CPSF7: variants seen among roughly 807,000 people sequenced by gnomAD.
CPSF7 encodes the protein cleavage and polyadenylation specific factor 7.
Under a neutral mutation model 44.3 loss-of-function variants are expected in CPSF7, and 1 was observed. That is an observed-to-expected ratio of 0.02 (90% CI 0.01 to 0.11). The LOEUF is 0.11. Among genes scored for constraint, CPSF7 ranks in the 10% least tolerant of loss-of-function variants. CPSF7 has a pLI of 1.00. For synonymous variants in CPSF7, 202 were observed against 222.0 expected (o/e 0.91, Z 0.80); for missense variants, 443 against 607.2 (o/e 0.73, Z 2.84).
chr11:61,405,261 C>A (rs997892667), intron 9 of CPSF7, among the ~76,000 whole-genome samples: 1 of 152,114 alleles, frequency 6.6e-6, no homozygotes, highest in African/African-American at 2.4e-5. Flanking sequence ...TTAAATCCTT[C>A]TTTTTTCTTT....
chr11:61,405,083 G>A (rs1195001351), intron 9 of CPSF7, among the ~76,000 whole-genome samples: 1 of 152,152 alleles, frequency 6.6e-6, no homozygotes, highest in African/African-American at 2.4e-5. Flanking sequence ...TTAAATATAG[G>A]TTAAGAAGTC....
At chr11:61,424,732 C>T (rs1222650684) in intron 2 of CPSF7, among the ~76,000 whole-genome samples, 3 of 152,170 alleles carry the variant, frequency 2.0e-5, no homozygotes, top group Non-Finnish European at 2.9e-5. Context: ...GGATTACAGG[C>T]GTAAGCCACT....
chr11:61,429,207 A>G lies in CPSF7; in HGVS notation c.29T>C (p.Ile10Thr), dbSNP rs376472250. The change falls in exon 2 of 10, where the codon ATA becomes ACA. Residue 10 changes from isoleucine (I) to threonine (T), a missense_variant. By Grantham distance (89) the Ile-to-Thr change is moderately conservative. Transcript: ENST00000439958. The stretch of plus-strand genomic sequence containing the variant: ...CTGGTTGAACTCCTCGTCAGCATAT[A>G]TATCAATCAAGTCCACTCCTTCTGA... MSEGVDLID[I>T]YADEEFNQDP... The G allele has an allele frequency of 2.5e-6, 4 of 1,610,086 alleles. No individual in the cohort carries two copies. Among genetic ancestry groups the G allele is most frequent in the Non-Finnish European group, 3.4e-6 (4 of 1,176,432 alleles).
intron 2 of CPSF7, among the ~76,000 whole-genome samples, chr11:61,423,050 C>T (rs1050379352): frequency 2.9e-5 from 4 of 135,650 alleles, no homozygotes; most frequent in Non-Finnish European, 4.5e-5. Flanking sequence ...TCACTCGAGC[C>T]CGGGAGGTTG....
chr11:61,429,724 C>T, intron 1 of CPSF7, 190 bp downstream of exon 1: 2 of 1,540,450 alleles, frequency 1.3e-6, no homozygotes, highest in Non-Finnish European at 8.7e-7. Context: ...TCTTCGCCCC[C>T]AGCTAGGCCC....
intron 2 of CPSF7, among the ~76,000 whole-genome samples, chr11:61,428,117 A>G (rs577755025): frequency 6.6e-6 from 1 of 152,238 alleles, no homozygotes; most frequent in Non-Finnish European, 1.5e-5. Flanking sequence ...ATTTTGGAAC[A>G]TTCTTGAGAA....
chr11:61,421,061 A>C (rs1565113763), intron 3 of CPSF7: 2 of 1,342,962 alleles, frequency 1.5e-6, no homozygotes, highest in Non-Finnish European at 2.0e-6. Flanking sequence ...CACCATTATC[A>C]CAGGACCATC....
rs866167203 is a variant in CPSF7, at chr11:61,405,331, A to C, written c.*6-627T>G. Among the ~76,000 whole-genome samples, 3 of 152,322 alleles carry C rather than the reference A, an allele frequency of 2.0e-5. No homozygotes were observed. The Middle Eastern group carries it at 0.01, about 518-fold the overall frequency. The stretch of plus-strand genomic sequence containing the variant: ...TATGTGTGTACACAAACACAGCCCC[A>C]GAGGTTTTCCAAGTGTACTAAAACT... On this transcript the variant is annotated intron_variant, in intron 9 of 9. Transcript: ENST00000439958.
Position 61,429,908 on chromosome 11 carries a change from C to A in CPSF7, c.-56+6G>T. Reference sequence around the variant, plus strand: ...CAACCTGCCCCCGACCGCGCGCCCCCGTTACCGGGAATATGGCGGCGGCGG... The same window carrying A: ...CAACCTGCCCCCGACCGCGCGCCCCAGTTACCGGGAATATGGCGGCGGCGG... On this transcript the variant is annotated splice_donor_region_variant and intron_variant, in intron 1 of 9. Transcript: ENST00000439958. The A allele has an allele frequency of 6.7e-7, 1 of 1,501,332 alleles. No individual in the cohort carries two copies. Among genetic ancestry groups the A allele is most frequent in the Non-Finnish European group, 8.9e-7 (1 of 1,120,740 alleles). The allele number at this position is 1,501,332 out of a possible 1,614,324, so 93.0% of individuals were successfully genotyped here. A position where few individuals can be genotyped will look rare whatever the true frequency, so the allele number is the denominator to read the frequency against.
At chr11:61,409,638 A>G (rs1457744134) in intron 9 of CPSF7, among the ~76,000 whole-genome samples, 1 of 148,604 alleles carries the variant, frequency 6.7e-6, no homozygotes, top group South Asian at 2.1e-4. Context: ...AAAGCATATT[A>G]ATTTTCAAAA....
At chr11:61,427,958 G>C (rs1252801324) in intron 2 of CPSF7, among the ~76,000 whole-genome samples, 1 of 152,148 alleles carries the variant, frequency 6.6e-6, no homozygotes, top group African/African-American at 2.4e-5. Flanking sequence ...TCAAACCAGG[G>C]AACTTTCCCT....
intron 5 of CPSF7, among the ~76,000 whole-genome samples, chr11:61,417,557 T>C (rs1467165857): frequency 6.6e-6 from 1 of 151,852 alleles, no homozygotes; most frequent in Non-Finnish European, 1.5e-5. Flanking sequence ...TAAACTAGAA[T>C]ATGATAGTTA....
chr11:61,415,287 A>C (rs1233144442), intron 7 of CPSF7, among the ~76,000 whole-genome samples: 6 of 152,252 alleles, frequency 3.9e-5, no homozygotes, highest in African/African-American at 1.4e-4. Flanking sequence ...ATCATTCCTA[A>C]AGAAGACCCA....
In CPSF7 at chr11:61,429,262, G is replaced by C. The variant is rs902730834; in HGVS notation, c.-27C>G. ...GCTCCGGAAGGAAGATCGCGAGTCC[G>C]GAGGATGGACAAAGTAAGGAAGATG... is the stretch of plus-strand genomic sequence containing the variant. On this transcript the variant is annotated 5_prime_UTR_variant, in exon 2 of 10. Coordinates refer to ENST00000439958, the MANE Select transcript of CPSF7 (RefSeq NM_001142565.3). 1.2e-5 allele frequency: 19 copies of C among 1,612,830 alleles called. No homozygotes were observed. The African/African-American group carries it at 1.9e-4, about 16-fold the overall frequency.
chr11:61,416,297 G>A lies in CPSF7; in HGVS notation c.746C>T (p.Pro249Leu). ...LSSSFGVPPP[P>L]PGIHYQHLMP... ...GAGATGCTGGTAGTGGATACCAGGA[G>A]GAGGAGGAGGGACCCCAAAGCTTGA... Residue 249 changes from proline to leucine, a missense_variant, in exon 6 of 10, where the codon CCT becomes CTT. Physicochemically the swap from Pro to Leu is moderately conservative, Grantham distance 98. Coordinates refer to ENST00000439958, the MANE Select transcript of CPSF7 (RefSeq NM_001142565.3). 1.9e-6 allele frequency: 3 copies of A among 1,548,100 alleles called. No individual in the cohort carries two copies. The highest frequency in any genetic ancestry group is 1.4e-5 in the African/African-American group (1 of 72,938).
In CPSF7 at chr11:61,426,006, A is replaced by G. The variant is rs553552902; in HGVS notation, c.54+3176T>C. ...AACTCCCAGCAGAGCAACTGATCTC[A>G]GTCACCTTTCCAGAGTTCTCCCTGG... On this transcript the variant is annotated intron_variant, in intron 2 of 9. Transcript: ENST00000439958. Among the ~76,000 whole-genome samples the G allele has an allele frequency of 1.2e-4, 19 of 152,358 alleles. No homozygotes were observed. The South Asian group carries it at 3.3e-3, about 27-fold the overall frequency.
At chr11:61,407,890 A>G (rs1859467403) in intron 9 of CPSF7, among the ~76,000 whole-genome samples, 5 of 152,074 alleles carry the variant, frequency 3.3e-5, no homozygotes, top group Admixed American at 3.3e-4. Flanking sequence ...TTTACATTCC[A>G]GCTACTGCTC....
In CPSF7 at chr11:61,404,374, C is replaced by T. The variant is rs1340299635; in HGVS notation, c.*336G>A. 6.6e-6 allele frequency: 1 copy of T among 152,616 alleles called. No individual in the cohort carries two copies. The highest frequency in any genetic ancestry group is 1.5e-5 in the Non-Finnish European group (1 of 68,054). 9.5% of individuals were successfully genotyped at this position (152,616 alleles called of 1,614,324 possible). On this transcript the variant is annotated 3_prime_UTR_variant, in exon 10 of 10. Transcript: ENST00000439958. ...TCCCATCAACCTCACCATTGAACGG[C>T]TCCCGGAGAATCAGAAACTCATACG...
chr11:61,420,202 G>T, intron 4 of CPSF7, 108 bp from the exon 5 acceptor site: 1 of 916,818 alleles, frequency 1.1e-6, no homozygotes. Flanking sequence ...AGGACATCTT[G>T]CTAAACTAAA....
Sources: allele counts gnomAD v4.1 joint callset (sites outside exome capture counted in the v4.1 genomes callset), GRCh38; gene constraint gnomAD v4.1.1; transcripts MANE v1.5; gene names NCBI Gene and HGNC (gene_info 2026-07-23, HGNC 2026-07-21).